Variants in TTC7A observed in about 807,000 individuals in gnomAD.
TTC7A encodes tetratricopeptide repeat domain 7A, also known as tetratricopeptide repeat protein 7A.
A neutral mutation model predicts 103.7 loss-of-function variants in TTC7A; 110 were observed. The observed-to-expected ratio is 1.06, with a 90% CI of 0.91 to 1.24. TTC7A has a LOEUF of 1.24. Ranked by LOEUF, TTC7A falls within the 50% of genes most tolerant of loss-of-function variation. TTC7A has a pLI of 0.00. For missense variants in TTC7A, 1,340 were observed against 1,116.3 expected (o/e 1.20, Z -2.86); for synonymous variants, 521 against 467.9 (o/e 1.11, Z -1.47).
rs979059195 is a variant in TTC7A, at chr2:46,988,288, C to G, written c.765-5162C>G. ...GAAATGTCACAGCCCTATTCTGAGG[C>G]TGGGGGTGAAGAGGAATCCTCTGTT... On this transcript the variant is annotated intron_variant, in intron 5 of 19. Transcript: ENST00000319190. 9.8e-5 allele frequency among the ~76,000 whole-genome samples: 15 copies of G among 152,290 alleles called. No homozygotes were observed. In the East Asian group the frequency reaches 2.9e-3, roughly 29 times the overall value.
chr2:47,023,411 C>T lies in TTC7A; in HGVS notation c.1514C>T (p.Thr505Ile). The part of the protein sequence containing the change: ...LTYSLQATDA[T>I]LKSKQDELHR... The stretch of plus-strand genomic sequence containing the variant: ...GTTTCTGTCCTGTCCCCTGCAGCCA[C>T]CCTGAAGTCCAAGCAAGATGAATTG... Residue 505 changes from threonine to isoleucine, a missense_variant, in exon 13 of 20, where the codon ACC (threonine) becomes ATC (isoleucine). Coordinates refer to ENST00000319190, the MANE Select transcript of TTC7A (RefSeq NM_020458.4). 6.2e-7 allele frequency: 1 copy of T among 1,614,026 alleles called. No individual in the cohort carries two copies. Among genetic ancestry groups the T allele is most frequent in the Non-Finnish European group, 8.5e-7 (1 of 1,179,992 alleles).
chr2:46,919,676 G>A (rs1242450531), intron 2 of TTC7A, among the ~76,000 whole-genome samples: 1 of 152,252 alleles, frequency 6.6e-6, no homozygotes, highest in Non-Finnish European at 1.5e-5. Flanking sequence ...GTTGGGCCCT[G>A]TGGTAATCTC....
intron 14 of TTC7A, 99 bp downstream of exon 14, chr2:47,024,458 T>C: frequency 9.0e-7 from 1 of 1,110,718 alleles, no homozygotes; most frequent in Non-Finnish European, 1.3e-6. Context: ...CAAGTGACTT[T>C]GCCTCCCTGA....
At chr2:47,041,720 T>C (rs1052827267) in intron 15 of TTC7A, among the ~76,000 whole-genome samples, 1 of 144,532 alleles carries the variant, frequency 6.9e-6, no homozygotes, top group African/African-American at 2.6e-5. Context: ...GCCATTCCAC[T>C]CCAGCCTAGG....
At chr2:47,001,344 C>G (rs1349218929) in intron 8 of TTC7A, among the ~76,000 whole-genome samples, 1 of 152,192 alleles carries the variant, frequency 6.6e-6, no homozygotes, top group Non-Finnish European at 1.5e-5. Flanking sequence ...AGCCCCCAGG[C>G]AGCTAGAGCT....
chr2:47,043,401 G>A (rs974017583), intron 15 of TTC7A, among the ~76,000 whole-genome samples: 3 of 152,208 alleles, frequency 2.0e-5, no homozygotes, highest in African/African-American at 7.2e-5. Flanking sequence ...TGTCAGAGGG[G>A]AAAGGGTGAT....
At chr2:47,020,587 C>T (rs1325664045) in intron 11 of TTC7A, among the ~76,000 whole-genome samples, 4 of 152,220 alleles carry the variant, frequency 2.6e-5, no homozygotes, top group Admixed American at 6.5e-5. Context: ...CACAAGGTGG[C>T]TGTAGGGCTG....
At chr2:46,968,007 G>T (rs1317700401) in intron 3 of TTC7A, among the ~76,000 whole-genome samples, 1 of 152,148 alleles carries the variant, frequency 6.6e-6, no homozygotes, top group Admixed American at 6.5e-5. Context: ...GTAGGTGGGA[G>T]GGAAGGGGTT....
upstream of TTC7A, among the ~76,000 whole-genome samples, chr2:46,936,523 G>A (rs1047861364): frequency 2.6e-5 from 4 of 152,144 alleles, no homozygotes; most frequent in Admixed American, 6.5e-5. Flanking sequence ...TGAGGCTGGG[G>A]GGTCCTGAGC....
Position 47,074,271 on chromosome 2 carries a change from C to T in TTC7A, c.*348C>T, listed in dbSNP as rs554603215. ...GAGTCTGGGTGGGGGGTTCTCACTC[C>T]CCACTCTCAGCACAGTACAGACTTC... is the stretch of plus-strand genomic sequence containing the variant. On this transcript the variant is annotated 3_prime_UTR_variant, in exon 20 of 20. Coordinates refer to ENST00000319190, the MANE Select transcript of TTC7A (RefSeq NM_020458.4). 3.9e-4 allele frequency: 133 copies of T among 343,890 alleles called. No homozygotes were observed. The highest frequency in any genetic ancestry group is 2.7e-3 in the African/African-American group (130 of 47,634). 21.3% of individuals were successfully genotyped at this position (343,890 alleles called of 1,614,324 possible). A position where few individuals can be genotyped will look rare whatever the true frequency, so the allele number is the denominator to read the frequency against.
chr2:46,949,328 C>T lies in TTC7A; in HGVS notation c.185-1035C>T, dbSNP rs571725368. Among the ~76,000 whole-genome samples the T allele has an allele frequency of 5.9e-5, 9 of 151,538 alleles. No individual in the cohort carries two copies. The South Asian group carries it at 1.9e-3, about 32-fold the overall frequency. ...TCGGCTCACTGCAACCTCCGTCTCC[C>T]GAATTCAGGCAGTTCTGCCTCAGCT... On this transcript the variant is annotated intron_variant, in intron 1 of 19. Transcript: ENST00000319190.
intron 2 of TTC7A, among the ~76,000 whole-genome samples, chr2:46,927,333 TAAAG>T (rs1669438687): frequency 6.7e-6 from 1 of 150,052 alleles, no homozygotes; most frequent in African/African-American, 2.5e-5. Context: ...AAAATAATAT[TAAAG>T]ATAGAGGAGA....
intron 16 of TTC7A, among the ~76,000 whole-genome samples, chr2:47,049,636 T>C (rs944794821): frequency 1.3e-5 from 2 of 152,108 alleles, no homozygotes; most frequent in Admixed American, 6.5e-5. Flanking sequence ...CCTGGCACTC[T>C]GCTGGATGTT....
At chr2:47,070,332 C>A (rs1446102285) in intron 19 of TTC7A, among the ~76,000 whole-genome samples, 1 of 152,260 alleles carries the variant, frequency 6.6e-6, no homozygotes, top group Non-Finnish European at 1.5e-5. Context: ...GGTTCTGCAC[C>A]TGCGTGGCCG....
chr2:47,029,428 C>T, intron 15 of TTC7A, 44 bp downstream of exon 15: 1 of 1,608,044 alleles, frequency 6.2e-7, no homozygotes, highest in Non-Finnish European at 8.5e-7. Context: ...AGCTGGCTGG[C>T]CTCTGCAGCA....
chr2:47,017,240 G>A (rs1304533102), intron 11 of TTC7A, among the ~76,000 whole-genome samples: 1 of 149,744 alleles, frequency 6.7e-6, no homozygotes, highest in African/African-American at 2.5e-5. Context: ...TTGAGACTGG[G>A]GTGGTAGGTC....
At chr2:46,998,198 C>T (rs943712292) in intron 8 of TTC7A, among the ~76,000 whole-genome samples, 1 of 152,120 alleles carries the variant, frequency 6.6e-6, no homozygotes, top group African/African-American at 2.4e-5. Flanking sequence ...GTTTGTTTCC[C>T]CTTACGCACA....
At chr2:47,003,726 G>C (rs1027967605) in intron 8 of TTC7A, among the ~76,000 whole-genome samples, 2 of 152,184 alleles carry the variant, frequency 1.3e-5, no homozygotes, top group African/African-American at 4.8e-5. Flanking sequence ...CTCCACTCGG[G>C]GATGTGCATC....
upstream of TTC7A, among the ~76,000 whole-genome samples, chr2:46,937,730 GCCTGGCCCAACAGTGATTTCAAAGGC>G (rs1416232490): frequency 6.6e-6 from 1 of 152,216 alleles, no homozygotes; most frequent in Non-Finnish European, 1.5e-5. The surrounding 1 kb of genome is among the most constrained non-coding windows in gnomAD (Gnocchi z 4.0). Flanking sequence ...GAGCTGCCAT[GCCTGGCCCAACAGTGATTTCAAAGGC>G]CATGGATTGC....
Sources: allele counts gnomAD v4.1 joint callset (sites outside exome capture counted in the v4.1 genomes callset), GRCh38; gene constraint gnomAD v4.1.1; non-coding constraint Gnocchi (gnomAD v3.1); transcripts MANE v1.5; gene names NCBI Gene and HGNC (gene_info 2026-07-23, HGNC 2026-07-21).